The following LCLAT1 variants were observed in gnomAD, a reference collection of about 807,000 sequenced individuals.
The protein encoded by LCLAT1 is 1-AGP acyltransferase 8.
In LCLAT1, 11 loss-of-function variants were observed where a neutral mutation model predicts 30.7. That is an observed-to-expected ratio of 0.36 (90% CI 0.23 to 0.59). The LOEUF (loss-of-function observed/expected upper bound fraction) is 0.59, where lower values mean the gene tolerates loss of function less well. LCLAT1 is among the 20% of genes least tolerant of loss of function. The pLI is 0.77. For missense variants in LCLAT1, 402 were observed against 458.6 expected (o/e 0.88, Z 1.13); for synonymous variants, 155 against 151.3 (o/e 1.02, Z -0.18).
At chr2:30,600,652 G>C (rs1020807970) in intron 5 of LCLAT1, among the ~76,000 whole-genome samples, 1 of 152,046 alleles carries the variant, frequency 6.6e-6, no homozygotes, top group Non-Finnish European at 1.5e-5. Flanking sequence ...TTTCCACTGA[G>C]AATCTGATGG....
intron 1 of LCLAT1, among the ~76,000 whole-genome samples, chr2:30,497,290 T>C (rs1251262886): frequency 1.3e-5 from 2 of 152,226 alleles, no homozygotes; most frequent in East Asian, 1.9e-4. Flanking sequence ...ACTTCTAGAA[T>C]GTTGCTTTTG....
intron 2 of LCLAT1, among the ~76,000 whole-genome samples, chr2:30,526,445 G>A (rs1199767343): frequency 1.3e-5 from 2 of 151,904 alleles, no homozygotes; most frequent in African/African-American, 4.8e-5. Context: ...AATACTGTAA[G>A]TTCTGGAATT....
intron 1 of LCLAT1, among the ~76,000 whole-genome samples, chr2:30,464,079 A>G (rs10199517): frequency 0.38 from 57,854 of 152,018 alleles, 12,325 homozygotes; most frequent in Middle Eastern, 0.49. Context: ...TTCTCTTAGC[A>G]ATTGTATGTT....
intron 5 of LCLAT1, among the ~76,000 whole-genome samples, chr2:30,586,389 G>A (rs1666442867): frequency 6.6e-6 from 1 of 152,104 alleles, no homozygotes; most frequent in Middle Eastern, 3.2e-3. Context: ...GTTGCCATCA[G>A]TCTTAGGCAT....
intron 5 of LCLAT1, among the ~76,000 whole-genome samples, chr2:30,595,206 G>GTAA (rs1291278943): frequency 2.5e-4 from 38 of 152,148 alleles, no homozygotes; most frequent in African/African-American, 6.3e-4. Context: ...GGACTGCTCT[G>GTAA]TAATATGTTA....
At chr2:30,588,583 GTTTTGTTT>G (rs891544264) in intron 5 of LCLAT1, among the ~76,000 whole-genome samples, 76 of 152,096 alleles carry the variant, frequency 5.0e-4, no homozygotes, top group Admixed American at 1.7e-3. Context: ...TGTTGTTGTT[GTTTTGTTT>G]TTTTGTTTTT....
At chr2:30,635,893 A>G (rs1363778966) in intron 5 of LCLAT1, among the ~76,000 whole-genome samples, 1 of 152,190 alleles carries the variant, frequency 6.6e-6, no homozygotes, top group Admixed American at 6.5e-5. Flanking sequence ...TCAACTACTC[A>G]TTTCTAGAGC....
At chr2:30,470,181 A>G (rs1682704473) in intron 1 of LCLAT1, among the ~76,000 whole-genome samples, 1 of 152,182 alleles carries the variant, frequency 6.6e-6, no homozygotes, top group African/African-American at 2.4e-5. Flanking sequence ...TTGGTCCACC[A>G]GAACACGAGG....
intron 5 of LCLAT1, among the ~76,000 whole-genome samples, chr2:30,599,525 G>T (rs1667084603): frequency 6.6e-6 from 1 of 152,158 alleles, no homozygotes; most frequent in Admixed American, 6.6e-5. Context: ...AAATATCTTT[G>T]TTAATTTTCT....
At chr2:30,499,347 A>T (rs1465886642) in intron 1 of LCLAT1, among the ~76,000 whole-genome samples, 1 of 152,038 alleles carries the variant, frequency 6.6e-6, no homozygotes, top group East Asian at 1.9e-4. Context: ...CGCCCAGCTA[A>T]TTTTTTGTAT....
chr2:30,554,427 A>G (rs936485224), intron 3 of LCLAT1, among the ~76,000 whole-genome samples: 1 of 152,238 alleles, frequency 6.6e-6, no homozygotes, highest in Admixed American at 6.5e-5. Context: ...AGATTCAAGT[A>G]TCTATGCAGA....
chr2:30,460,199 GAC>G, intron 1 of LCLAT1, among the ~76,000 whole-genome samples: 1 of 152,282 alleles, frequency 6.6e-6, no homozygotes, highest in African/African-American at 2.4e-5. Flanking sequence ...GTGAATAACT[GAC>G]AACTGATTCT....
chr2:30,597,340 C>T (rs1319110611), intron 5 of LCLAT1, among the ~76,000 whole-genome samples: 1 of 152,066 alleles, frequency 6.6e-6, no homozygotes, highest in African/African-American at 2.4e-5. Context: ...TTGTAGTTCT[C>T]CTTGAAGTGA....
At chr2:30,612,983 CAAGG>C (rs1558556676) in intron 5 of LCLAT1, among the ~76,000 whole-genome samples, 1 of 151,914 alleles carries the variant, frequency 6.6e-6, no homozygotes, top group Admixed American at 6.6e-5. Flanking sequence ...GAAAATAAAT[CAAGG>C]AAGAGGGAAG....
At chr2:30,594,319 G>A (rs192787937) in intron 5 of LCLAT1, among the ~76,000 whole-genome samples, 3 of 152,000 alleles carry the variant, frequency 2.0e-5, no homozygotes, top group African/African-American at 2.4e-5. Flanking sequence ...ATTTTCAAAC[G>A]TATAGCAAAG....
intron 3 of LCLAT1, among the ~76,000 whole-genome samples, chr2:30,550,937 A>G (rs1664648816): frequency 1.3e-5 from 2 of 152,050 alleles, no homozygotes; most frequent in South Asian, 2.1e-4. Context: ...ATCTGGTACT[A>G]TCATTATTTT....
At chr2:30,518,949 T>C (rs1247555149) in intron 1 of LCLAT1, among the ~76,000 whole-genome samples, 1 of 152,192 alleles carries the variant, frequency 6.6e-6, no homozygotes, top group East Asian at 1.9e-4. Flanking sequence ...GATGATTTAG[T>C]TTTAGCCACC....
intron 1 of LCLAT1, among the ~76,000 whole-genome samples, chr2:30,466,414 A>G (rs540697693): frequency 6.6e-6 from 1 of 152,012 alleles, no homozygotes; most frequent in African/African-American, 2.4e-5. Context: ...GTTGTTATCT[A>G]ATCAATCATT....
chr2:30,521,958 T>C (rs1685499655), intron 1 of LCLAT1, among the ~76,000 whole-genome samples: 1 of 152,218 alleles, frequency 6.6e-6, no homozygotes, highest in East Asian at 1.9e-4. Flanking sequence ...TTTAAAATCA[T>C]ATCTTTTGAG....
Sources: gnomAD v4.1 joint callset for allele counts (sites outside exome capture counted in the v4.1 genomes callset) on GRCh38, gnomAD v4.1.1 for gene constraint, MANE v1.5 for transcripts, NCBI Gene and HGNC (gene_info 2026-07-23, HGNC 2026-07-21) for gene names.